The following INPP5F variants were observed in gnomAD, a reference collection of about 807,000 sequenced individuals.
INPP5F encodes the protein inositol polyphosphate-5-phosphatase F, also known as phosphatidylinositide 4-phosphatase SAC2.
In INPP5F, 97 loss-of-function variants were observed where a neutral mutation model predicts 137.2. The ratio of observed to expected loss-of-function variants is 0.71; its 90% CI spans 0.60 to 0.84. The LOEUF (loss-of-function observed/expected upper bound fraction) is 0.84, where lower values mean the gene tolerates loss of function less well. INPP5F is among the 40% of genes least tolerant of loss of function. INPP5F has a pLI of 0.00. For synonymous variants in INPP5F, 504 were observed against 476.9 expected (o/e 1.06, Z -0.74); for missense variants, 1,271 against 1,371.9 (o/e 0.93, Z 1.16).
rs527875234 is a variant in INPP5F at position 119,769,616 on chromosome 10, C to T, written c.179-12019C>T. Among the ~76,000 whole-genome samples, 8 of 152,246 alleles carry T rather than the reference C, an allele frequency of 5.3e-5. No homozygotes were observed. In the South Asian group the frequency reaches 1.7e-3, roughly 32 times the overall value. ...TGAGCATCATCCCGTCTGTTGAGGG[C>T]CGGAACAGAAGCAAAAAGGAAGTAT... On this transcript the variant is annotated intron_variant, in intron 2 of 19. Transcript: ENST00000650623.
intron 2 of INPP5F, among the ~76,000 whole-genome samples, chr10:119,767,517 T>TATGTA (rs1470744212): frequency 1.3e-5 from 2 of 152,236 alleles, no homozygotes; most frequent in East Asian, 3.9e-4. Context: ...CAAGAAAAGG[T>TATGTA]ATGTATGGAA....
rs1849956095 is a variant in INPP5F, at chr10:119,787,397, C to T, written c.316-4120C>T. Reference sequence around the variant, plus strand: ...GTCAGGAGTTCAAGACCAGCCTGGCCAACATGGTGAAACCCTGTCTCTACT... The same window carrying T: ...GTCAGGAGTTCAAGACCAGCCTGGCTAACATGGTGAAACCCTGTCTCTACT... On this transcript the variant is annotated intron_variant, in intron 3 of 19. Transcript: ENST00000650623. The surrounding 1 kb of genome is among the most constrained non-coding windows in gnomAD (Gnocchi z 4.1). Among the ~76,000 whole-genome samples the T allele has an allele frequency of 6.6e-6, 1 of 152,104 alleles. No homozygotes were observed. The highest frequency in any genetic ancestry group is 1.5e-5 in the Non-Finnish European group (1 of 68,030).
intron 4 of INPP5F, 32 bp downstream of exon 4, chr10:119,791,677 C>T (rs1850150670): frequency 1.3e-6 from 2 of 1,551,154 alleles, no homozygotes; most frequent in Non-Finnish European, 8.8e-7. Context: ...GCTTTGAATT[C>T]ACCTTTGATT....
At chr10:119,773,161 A>G (rs920793182) in intron 2 of INPP5F, among the ~76,000 whole-genome samples, 2 of 151,810 alleles carry the variant, frequency 1.3e-5, no homozygotes, top group Non-Finnish European at 2.9e-5. Flanking sequence ...GGGTCATGCA[A>G]TTCTCCCATG....
Position 119,826,810 on chromosome 10 carries a change from A to C in INPP5F, c.2429A>C (p.Glu810Ala), listed in dbSNP as rs771179580. 43 of 1,613,610 alleles carry C rather than the reference A, an allele frequency of 2.7e-5. No individual in the cohort carries two copies. The highest frequency in any genetic ancestry group is 3.6e-5 in the Non-Finnish European group (42 of 1,179,918). Reference sequence around the variant, plus strand: ...AAGCTAGGAAACTTTACCAAACCTGAAATGAAAGTTAACTTTCTAAAACCA... The same window carrying C: ...AAGCTAGGAAACTTTACCAAACCTGCAATGAAAGTTAACTTTCTAAAACCA... ...LRKLGNFTKP[E>A]MKVNFLKPNL... The change falls in exon 20 of 20, where the codon GAA becomes GCA. Residue 810 changes from glutamate (E) to alanine (A), a missense_variant. By Grantham distance (107) the Glu-to-Ala change is moderately radical (BLOSUM62 -1). Coordinates refer to ENST00000650623, the MANE Select transcript of INPP5F (RefSeq NM_014937.4).
intron 1 of INPP5F, among the ~76,000 whole-genome samples, chr10:119,727,979 T>C (rs1847940594): frequency 6.6e-6 from 1 of 152,210 alleles, no homozygotes; most frequent in South Asian, 2.1e-4. Context: ...CTTAAGATCG[T>C]CTCCAACTCA....
chr10:119,750,523 G>C (rs1456661434), intron 1 of INPP5F, among the ~76,000 whole-genome samples: 2 of 152,218 alleles, frequency 1.3e-5, no homozygotes, highest in African/African-American at 4.8e-5. Context: ...CTGTGGTTTA[G>C]ATGAGGAACC....
intron 6 of INPP5F, among the ~76,000 whole-genome samples, chr10:119,795,251 G>T (rs1453625291): frequency 6.6e-6 from 1 of 150,892 alleles, no homozygotes; most frequent in Non-Finnish European, 1.5e-5. Context: ...TGGCCGGGCG[G>T]GGGGCTGACC....
At chr10:119,764,316 C>T (rs746378176) in intron 2 of INPP5F, among the ~76,000 whole-genome samples, 7 of 152,192 alleles carry the variant, frequency 4.6e-5, no homozygotes, top group South Asian at 2.1e-4. Context: ...TGTATACGCG[C>T]GCATGTGCTT....
chr10:119,819,740 C>A lies in INPP5F; in HGVS notation c.1887-1106C>A, dbSNP rs753062514. On this transcript the variant is annotated intron_variant, in intron 15 of 19. Coordinates refer to ENST00000650623, the MANE Select transcript of INPP5F (RefSeq NM_014937.4). ...ATTTTTTGATATATTATTGTACGTG[C>A]AAATTGAGGTGAATTTGTTGTTTTA... The A allele has an allele frequency of 1.1e-4, 45 of 396,412 alleles. No individual in the cohort carries two copies. The Admixed American group carries it at 1.9e-3, about 17-fold the overall frequency. 24.6% of individuals were successfully genotyped at this position (396,412 alleles called of 1,614,324 possible).
chr10:119,828,368 A>G lies in INPP5F; in HGVS notation c.*588A>G, dbSNP rs1441463371. 6.6e-6 allele frequency: 1 copy of G among 152,662 alleles called. No individual in the cohort carries two copies. The highest frequency in any genetic ancestry group is 2.4e-5 in the African/African-American group (1 of 41,420). 9.5% of individuals were successfully genotyped at this position (152,662 alleles called of 1,614,324 possible). A position where few individuals can be genotyped will look rare whatever the true frequency, so the allele number is the denominator to read the frequency against. On this transcript the variant is annotated 3_prime_UTR_variant, in exon 20 of 20. Coordinates refer to ENST00000650623, the MANE Select transcript of INPP5F (RefSeq NM_014937.4). ...TCCCCGTATTCTACTTGAACACATT[A>G]AAAATACTCTGCTGCCTATACAATG...
rs1351639551 is a variant in INPP5F, at chr10:119,796,825, G to A, written c.780G>A (p.Glu260=). Residue 260 remains glutamate, a synonymous_variant, in exon 7 of 20, where the codon GAG becomes GAA. Coordinates refer to ENST00000650623, the MANE Select transcript of INPP5F (RefSeq NM_014937.4). The part of the protein sequence containing the change: ...ESSDDEKSSP[E]TPPQESTCVD... ...CTGATGATGAGAAAAGCAGCCCAGA[G>A]ACCCCCCCTCAGGAGTCCACCTGTG... 1 of 1,613,588 alleles carries A rather than the reference G, an allele frequency of 6.2e-7. No homozygotes were observed. The highest frequency in any genetic ancestry group is 8.5e-7 in the Non-Finnish European group (1 of 1,179,808).
chr10:119,764,023 G>A (rs1410599193), intron 2 of INPP5F, among the ~76,000 whole-genome samples: 1 of 152,150 alleles, frequency 6.6e-6, no homozygotes, highest in Non-Finnish European at 1.5e-5. Flanking sequence ...CACGGTTCAT[G>A]TTTTCTACTG....
chr10:119,731,206 G>A (rs1305256967), intron 1 of INPP5F, among the ~76,000 whole-genome samples: 1 of 151,782 alleles, frequency 6.6e-6, no homozygotes. Flanking sequence ...TGTCATATGA[G>A]GTTAACTTTT....
chr10:119,796,707 GT>G lies in INPP5F; in HGVS notation c.670-4del. ...ATAGAAACGATATCATGTTCATTTT[GT>G]TTTCAGACTCCAGATGTGGACTTTT... On this transcript the variant is annotated splice_polypyrimidine_tract_variant and splice_region_variant and intron_variant, in intron 6 of 19. Transcript: ENST00000650623. 1 of 1,609,840 alleles carries G rather than the reference GT, an allele frequency of 6.2e-7. No homozygotes were observed. Among genetic ancestry groups the G allele is most frequent in the Non-Finnish European group, 8.5e-7 (1 of 1,175,994 alleles).
Position 119,827,559 on chromosome 10 carries a change from T to C in INPP5F, c.3178T>C (p.Ser1060Pro), listed in dbSNP as rs1342489243. Residue 1060 changes from serine to proline, a missense_variant, in exon 20 of 20, where the codon TCA (serine) becomes CCA (proline). By Grantham distance (74) the Ser-to-Pro change is moderately conservative. Transcript: ENST00000650623. ...ETGLHVTPSPSESSSSRAVSP... is the reference protein window; with the variant it reads ...ETGLHVTPSPPESSSSRAVSP... ...AGGGCTTCATGTAACTCCTTCTCCT[T>C]CAGAGAGCAGTAGCAGCAGAGCAGT... 1 of 1,614,138 alleles carries C rather than the reference T, an allele frequency of 6.2e-7. No individual in the cohort carries two copies. The highest frequency in any genetic ancestry group is 2.2e-5 in the East Asian group (1 of 44,872).
chr10:119,789,964 A>G (rs1850078898), intron 3 of INPP5F, among the ~76,000 whole-genome samples: 1 of 150,492 alleles, frequency 6.6e-6, no homozygotes, highest in East Asian at 2.0e-4. Flanking sequence ...GTTAAGAACC[A>G]AGAGCATTGG....
chr10:119,781,510 CTTTAAAAG>C, intron 2 of INPP5F, 117 bp from the exon 3 acceptor site: 1 of 732,854 alleles, frequency 1.4e-6, no homozygotes, highest in Non-Finnish European at 2.0e-6. Context: ...ACATGTTTTA[CTTTAAAAG>C]TTTATTTTGG....
chr10:119,767,122 A>AAAAAAAC (rs1849194199), intron 2 of INPP5F, among the ~76,000 whole-genome samples: 1 of 149,242 alleles, frequency 6.7e-6, no homozygotes, highest in African/African-American at 2.5e-5. Context: ...AAAAAAAAAA[A>AAAAAAAC]AAAAAAAAAA....
Sources: gnomAD v4.1 joint callset for allele counts (sites outside exome capture counted in the v4.1 genomes callset) on GRCh38, gnomAD v4.1.1 for gene constraint, Gnocchi (gnomAD v3.1) non-coding constraint, MANE v1.5 for transcripts, NCBI Gene and HGNC (gene_info 2026-07-23, HGNC 2026-07-21) for gene names.